ZNF148: variants seen among roughly 807,000 people sequenced by gnomAD.
ZNF148 encodes the protein Beta-Enolase Repressor Factor-1.
In ZNF148, 7 loss-of-function variants were observed where a neutral mutation model predicts 67.7. That is an observed-to-expected ratio of 0.10 (90% CI 0.06 to 0.19). The LOEUF (loss-of-function observed/expected upper bound fraction) is 0.19, where lower values mean the gene tolerates loss of function less well. ZNF148 is among the 10% of genes least tolerant of loss of function. The pLI, the probability that ZNF148 is intolerant of heterozygous loss-of-function variation, is 1.00. For missense variants in ZNF148, 583 were observed against 947.1 expected (o/e 0.62, Z 5.05); for synonymous variants, 333 against 330.7 (o/e 1.01, Z -0.08).
At chr3:125,256,607 C>T (rs981216270) in intron 7 of ZNF148, among the ~76,000 whole-genome samples, 3 of 152,162 alleles carry the variant, frequency 2.0e-5, no homozygotes, top group African/African-American at 4.8e-5. Context: ...ACCCAGGAGG[C>T]AGTGGCTGCA....
chr3:125,372,738 G>A (rs1027867100), intron 1 of ZNF148, among the ~76,000 whole-genome samples: 2 of 152,210 alleles, frequency 1.3e-5, no homozygotes, highest in African/African-American at 2.4e-5. Flanking sequence ...AGGCCAAGGC[G>A]GGTGGATCAC....
At chr3:125,246,721 T>C (rs1579609524) in intron 7 of ZNF148, among the ~76,000 whole-genome samples, 1 of 152,208 alleles carries the variant, frequency 6.6e-6, no homozygotes. Context: ...TACTTACATA[T>C]TGATTATAAT....
At chr3:125,327,794 G>A (rs563918401) in intron 2 of ZNF148, among the ~76,000 whole-genome samples, 27 of 152,236 alleles carry the variant, frequency 1.8e-4, no homozygotes, top group African/African-American at 6.5e-4. Context: ...AGGGAAATTA[G>A]AAAATATTTT....
At chr3:125,334,480 A>G (rs1559764101) in intron 1 of ZNF148, among the ~76,000 whole-genome samples, 1 of 152,338 alleles carries the variant, frequency 6.6e-6, no homozygotes, top group East Asian at 1.9e-4. Flanking sequence ...CTACCTTTTC[A>G]AAAGAAAAGG....
At chr3:125,260,337 A>C (rs950048344) in intron 7 of ZNF148, among the ~76,000 whole-genome samples, 2 of 152,138 alleles carry the variant, frequency 1.3e-5, no homozygotes, top group African/African-American at 4.8e-5. Context: ...AAGTGTAGTA[A>C]AGTGAAGTGC....
intron 1 of ZNF148, among the ~76,000 whole-genome samples, chr3:125,339,091 G>C (rs1941613950): frequency 6.6e-6 from 1 of 152,174 alleles, no homozygotes; most frequent in Admixed American, 6.5e-5. Context: ...TCCCCAGGCT[G>C]ATCTCAAACT....
At chr3:125,238,073 G>T (rs906274099) in intron 7 of ZNF148, among the ~76,000 whole-genome samples, 1 of 152,012 alleles carries the variant, frequency 6.6e-6, no homozygotes. Flanking sequence ...ACATACAAAA[G>T]AATGAAGTTA....
At chr3:125,238,981 TACGCTAAATGTAG>T (rs1191113775) in intron 7 of ZNF148, among the ~76,000 whole-genome samples, 4 of 152,178 alleles carry the variant, frequency 2.6e-5, no homozygotes, top group African/African-American at 9.7e-5. Context: ...TTGAAGACAT[TACGCTAAATGTAG>T]AAGCCAGATA....
intron 1 of ZNF148, among the ~76,000 whole-genome samples, chr3:125,350,195 T>C (rs372014281): frequency 5.1e-4 from 77 of 152,262 alleles, no homozygotes; most frequent in African/African-American, 1.8e-3. Flanking sequence ...AGTCTCACTC[T>C]GTCACCCAGA....
chr3:125,271,257 T>C (rs1264120910), intron 7 of ZNF148, among the ~76,000 whole-genome samples: 2 of 152,182 alleles, frequency 1.3e-5, no homozygotes, highest in Admixed American at 6.5e-5. Flanking sequence ...TCTAGACTTA[T>C]CTCCTCACCC....
intron 5 of ZNF148, among the ~76,000 whole-genome samples, chr3:125,286,347 TAAAG>T (rs1322503044): frequency 2.6e-5 from 4 of 152,000 alleles, no homozygotes; most frequent in African/African-American, 4.8e-5. Flanking sequence ...GACCAGAAAC[TAAAG>T]AAATTCAAAT....
chr3:125,328,982 C>T (rs889379912), intron 2 of ZNF148, among the ~76,000 whole-genome samples: 20 of 134,848 alleles, frequency 1.5e-4, no homozygotes, highest in African/African-American at 4.3e-4. Flanking sequence ...TTTTTCCCTT[C>T]GGAATTTATA....
intron 5 of ZNF148, among the ~76,000 whole-genome samples, chr3:125,283,676 A>G (rs1938511430): frequency 6.6e-6 from 1 of 152,112 alleles, no homozygotes; most frequent in Admixed American, 6.5e-5. Flanking sequence ...TCATCTTTAA[A>G]GCTACTTCTT....
At chr3:125,286,523 C>T (rs1938668480) in intron 5 of ZNF148, among the ~76,000 whole-genome samples, 1 of 152,056 alleles carries the variant, frequency 6.6e-6, no homozygotes, top group Non-Finnish European at 1.5e-5. Flanking sequence ...AGTTCACACC[C>T]TTTGATCAAT....
intron 1 of ZNF148, among the ~76,000 whole-genome samples, chr3:125,356,047 T>C (rs1422719961): frequency 6.6e-6 from 1 of 152,118 alleles, no homozygotes; most frequent in East Asian, 1.9e-4. Flanking sequence ...GAAAAATATA[T>C]CTTCCCCCCG....
intron 4 of ZNF148, among the ~76,000 whole-genome samples, 186 bp from the exon 5 acceptor site, chr3:125,288,414 TGA>T (rs887715714): frequency 1.3e-5 from 2 of 151,834 alleles, no homozygotes; most frequent in Non-Finnish European, 2.9e-5. Context: ...TAATAAGAAT[TGA>T]GAGTACATAA....
At chr3:125,316,307 C>G (rs1191227101) in intron 3 of ZNF148, among the ~76,000 whole-genome samples, 2 of 152,172 alleles carry the variant, frequency 1.3e-5, no homozygotes, top group African/African-American at 2.4e-5. Flanking sequence ...GCAACAAATA[C>G]AGGAGTGCAA....
chr3:125,362,963 T>G (rs1368369002), intron 1 of ZNF148, among the ~76,000 whole-genome samples: 1 of 152,210 alleles, frequency 6.6e-6, no homozygotes, highest in Non-Finnish European at 1.5e-5. Context: ...CTGAAATCAC[T>G]GCTGCTCTTC....
At chr3:125,339,690 T>C (rs545635137) in intron 1 of ZNF148, among the ~76,000 whole-genome samples, 1 of 152,292 alleles carries the variant, frequency 6.6e-6, no homozygotes. Flanking sequence ...TTGTTGGTAA[T>C]ACAAAGGATA....
Sources: gnomAD v4.1 joint callset for allele counts (sites outside exome capture counted in the v4.1 genomes callset) on GRCh38, gnomAD v4.1.1 for gene constraint, MANE v1.5 for transcripts, NCBI Gene and HGNC (gene_info 2026-07-23, HGNC 2026-07-21) for gene names.